The following ESR2 variants were observed in gnomAD, a reference collection of about 807,000 sequenced individuals.
ESR2 encodes the protein estrogen receptor 2.
In ESR2, 36 loss-of-function variants were observed where a neutral mutation model predicts 49.6. The ratio of observed to expected loss-of-function variants is 0.73; its 90% CI spans 0.56 to 0.96. The LOEUF (loss-of-function observed/expected upper bound fraction) is 0.96. ESR2 is among the 40% of genes least tolerant of loss of function. ESR2 has a pLI of 0.00. For missense variants in ESR2, 714 were observed against 693.0 expected, an observed-to-expected ratio of 1.03 and a Z score of -0.34; for synonymous variants, 320 against 266.1, an observed-to-expected ratio of 1.20 and a Z score of -1.97.
At chr14:64,227,711 C>G (rs1187481715), downstream of ESR2, 1 of 1,593,914 alleles carries the variant, frequency 6.3e-7, no homozygotes, top group African/African-American at 1.3e-5. Context: ...TTTGTCTCTT[C>G]CTCAGGATAA....
Position 64,228,597 on chromosome 14 carries a change from G to C in ESR2, c.*4540C>G, listed in dbSNP as rs1185674645. On this transcript the variant is annotated 3_prime_UTR_variant, in exon 9 of 9. Coordinates refer to ENST00000341099, the MANE Select transcript of ESR2 (RefSeq NM_001437.3). ...ACAGGCTCTGAAGTACACATTGAATGACAAAAGGTATAGGACCAACAGTTA... is the reference window on the plus strand; with the variant it reads ...ACAGGCTCTGAAGTACACATTGAATCACAAAAGGTATAGGACCAACAGTTA... Among the ~76,000 whole-genome samples the C allele has an allele frequency of 6.6e-6, 1 of 152,190 alleles. No individual in the cohort carries two copies. Among genetic ancestry groups the C allele is most frequent in the Non-Finnish European group, 1.5e-5 (1 of 68,044 alleles).
intron 1 of ESR2, among the ~76,000 whole-genome samples, chr14:64,290,082 G>A (rs1239185899): frequency 6.6e-6 from 1 of 151,994 alleles, no homozygotes; most frequent in East Asian, 1.9e-4. Flanking sequence ...AGCTTTTTTG[G>A]GGGGTGGGGG....
chr14:64,267,128 C>T (rs774440969), intron 4 of ESR2, among the ~76,000 whole-genome samples: 1 of 152,222 alleles, frequency 6.6e-6, no homozygotes, highest in Non-Finnish European at 1.5e-5. Flanking sequence ...ATTTGCATGC[C>T]TTGGCCTCCC....
At chr14:64,323,924 T>A (rs920889496) in intron 1 of ESR2, among the ~76,000 whole-genome samples, 1 of 152,172 alleles carries the variant, frequency 6.6e-6, no homozygotes, top group East Asian at 1.9e-4. Context: ...ACTCCCGACC[T>A]CAGGTGATCA....
At chr14:64,289,942 G>A (rs142217471) in intron 1 of ESR2, among the ~76,000 whole-genome samples, 4 of 152,308 alleles carry the variant, frequency 2.6e-5, no homozygotes, top group Non-Finnish European at 4.4e-5. Flanking sequence ...CCACATTTGT[G>A]TGTCCTGCAG....
At chr14:64,253,961 C>G (rs186854708) in intron 6 of ESR2, among the ~76,000 whole-genome samples, 1 of 152,070 alleles carries the variant, frequency 6.6e-6, no homozygotes, top group African/African-American at 2.4e-5. Flanking sequence ...AGCAATTAGA[C>G]AGTCAGGTTC....
At chr14:64,227,991 G>C, downstream of ESR2, 1 of 1,556,558 alleles carries the variant, frequency 6.4e-7, no homozygotes. Flanking sequence ...CCAAATAATC[G>C]ATGCACTGGA....
chr14:64,227,893 A>G, downstream of ESR2: 1 of 1,597,778 alleles, frequency 6.3e-7, no homozygotes, highest in Non-Finnish European at 8.5e-7. Context: ...CTTGGCACTA[A>G]GATAACTTCA....
intron 1 of ESR2, among the ~76,000 whole-genome samples, chr14:64,325,358 T>C (rs2077376015): frequency 6.6e-6 from 1 of 152,086 alleles, no homozygotes; most frequent in Admixed American, 6.6e-5. Flanking sequence ...CATGAAATGA[T>C]GAATTTGCAT....
At position 64,240,301 on chromosome 14, in the gene ESR2, T is replaced by G. The variant is rs75608555; in HGVS notation, c.1226-5151A>C. Among the ~76,000 whole-genome samples the G allele has an allele frequency of 7.6e-3, 1,151 of 152,326 alleles. 6 individuals carry two copies. Among genetic ancestry groups the G allele is most frequent in the South Asian group, 0.017 (80 of 4,828 alleles). On this transcript the variant is annotated intron_variant, in intron 7 of 8. Coordinates refer to ENST00000341099, the MANE Select transcript of ESR2 (RefSeq NM_001437.3). ...GCTTATCTAGCCTGGCAAGGCCATC[T>G]AGCAGCAACCAAATGCAGCGCTTGG...
At chr14:64,302,256 G>A (rs948986600) in intron 1 of ESR2, among the ~76,000 whole-genome samples, 7 of 150,804 alleles carry the variant, frequency 4.6e-5, no homozygotes, top group South Asian at 4.2e-4. Context: ...GCGCAATCTC[G>A]GCTCACTGCA....
At chr14:64,245,558 C>G (rs1333998778) in intron 7 of ESR2, among the ~76,000 whole-genome samples, 1 of 135,160 alleles carries the variant, frequency 7.4e-6, no homozygotes, top group African/African-American at 2.7e-5. Context: ...CTTGGATTTA[C>G]AGTAAACAAA....
intron 6 of ESR2, among the ~76,000 whole-genome samples, 192 bp from the exon 7 acceptor site, chr14:64,249,871 A>G (rs2075955388): frequency 6.6e-6 from 1 of 152,262 alleles, no homozygotes; most frequent in Non-Finnish European, 1.5e-5. Flanking sequence ...GTCTTCATAT[A>G]AAGAAGATAG....
intron 4 of ESR2, among the ~76,000 whole-genome samples, chr14:64,267,175 G>A (rs918543804): frequency 3.3e-4 from 50 of 152,172 alleles, no homozygotes; most frequent in Admixed American, 2.9e-3. Context: ...CACCGCACCC[G>A]GCCTTAACTA....
intron 1 of ESR2, among the ~76,000 whole-genome samples, chr14:64,328,381 T>C (rs973519550): frequency 1.1e-4 from 17 of 151,654 alleles, no homozygotes; most frequent in African/African-American, 4.1e-4. Flanking sequence ...ATTGCACCAC[T>C]GCACTCCAGC....
chr14:64,232,829 CT>C lies in ESR2; in HGVS notation c.*307del, dbSNP rs1170112860. ...AGATTTCCACCATTCATTCCAAAAC[CT>C]TTAAGATGTTTCACAAAGGGGAGGA... On this transcript the variant is annotated 3_prime_UTR_variant, in exon 9 of 9. Transcript: ENST00000341099. 1 of 297,856 alleles carries C rather than the reference CT, an allele frequency of 3.4e-6. No homozygotes were observed. Among genetic ancestry groups the C allele is most frequent in the African/African-American group, 2.1e-5 (1 of 47,554 alleles). The allele number at this position is 297,856 out of a possible 1,614,324, so 18.5% of individuals were successfully genotyped here.
At chr14:64,236,589 C>A (rs563996307) in intron 7 of ESR2, among the ~76,000 whole-genome samples, 1 of 152,234 alleles carries the variant, frequency 6.6e-6, no homozygotes, top group East Asian at 1.9e-4. Flanking sequence ...CAGTTCCCAC[C>A]ACACCTCGCC....
intron 3 of ESR2, among the ~76,000 whole-genome samples, chr14:64,278,856 T>C (rs2076608583): frequency 6.6e-6 from 1 of 152,168 alleles, no homozygotes; most frequent in Non-Finnish European, 1.5e-5. Flanking sequence ...GCCAAGGGCA[T>C]TACAAAGTTA....
chr14:64,245,826 G>A (rs891321304), intron 7 of ESR2, among the ~76,000 whole-genome samples: 10 of 152,202 alleles, frequency 6.6e-5, no homozygotes, highest in African/African-American at 1.2e-4. Context: ...AGTGCTTTCC[G>A]AGAAGCACTT....
Sources: gnomAD v4.1 joint callset for allele counts (sites outside exome capture counted in the v4.1 genomes callset) on GRCh38, gnomAD v4.1.1 for gene constraint, MANE v1.5 for transcripts, NCBI Gene and HGNC (gene_info 2026-07-23, HGNC 2026-07-21) for gene names.